LOXL2: variants seen among roughly 807,000 people sequenced by gnomAD.
LOXL2 encodes the protein lysyl oxidase like 2.
LOXL2 carries 70 observed loss-of-function variants against 93.0 expected under a neutral mutation model. That is an observed-to-expected ratio of 0.75 (90% CI 0.62 to 0.92). The LOEUF is 0.92. LOXL2 is among the 40% of genes least tolerant of loss of function. LOXL2 has a pLI of 0.00. For synonymous variants in LOXL2, 438 were observed against 413.2 expected (o/e 1.06, Z -0.73); for missense variants, 973 against 1,054.9 (o/e 0.92, Z 1.08).
chr8:23,342,525 G>A (rs11775897), intron 3 of LOXL2, among the ~76,000 whole-genome samples: 21,056 of 149,962 alleles, frequency 0.14, 1,537 homozygotes, highest in Admixed American at 0.18. Context: ...TCCGCCTCCC[G>A]GGTTCACGCC....
At chr8:23,349,470 G>C (rs1463192474) in intron 3 of LOXL2, among the ~76,000 whole-genome samples, 1 of 152,110 alleles carries the variant, frequency 6.6e-6, no homozygotes, top group African/African-American at 2.4e-5. Flanking sequence ...ACCCTAAAAG[G>C]ACAGATAGGC....
chr8:23,395,185 C>T (rs566729859), intron 1 of LOXL2, among the ~76,000 whole-genome samples: 4 of 151,944 alleles, frequency 2.6e-5, no homozygotes, highest in Non-Finnish European at 4.4e-5. Flanking sequence ...ACCTGGGAGA[C>T]GGAGGTTGCA....
chr8:23,307,500 A>C (rs1803247830), intron 10 of LOXL2, among the ~76,000 whole-genome samples: 1 of 152,230 alleles, frequency 6.6e-6, no homozygotes, highest in Non-Finnish European at 1.5e-5. Context: ...CAGGGTCTCC[A>C]GATCAGAAGA....
intron 3 of LOXL2, 63 bp downstream of exon 3, chr8:23,360,027 A>C (rs1000035305): frequency 6.8e-6 from 10 of 1,471,830 alleles, no homozygotes; most frequent in Non-Finnish European, 9.4e-6. Context: ...ATACGCAAAA[A>C]GCGAGTTGCA....
chr8:23,383,659 T>G (rs1156676878), intron 1 of LOXL2, among the ~76,000 whole-genome samples: 1 of 23,760 alleles, frequency 4.2e-5, no homozygotes, highest in East Asian at 2.3e-3. Context: ...TTTTTTTTGT[T>G]TTTTTTTTTT....
intron 1 of LOXL2, among the ~76,000 whole-genome samples, chr8:23,387,833 C>G (rs1257007443): frequency 6.6e-6 from 1 of 152,018 alleles, no homozygotes; most frequent in Non-Finnish European, 1.5e-5. Context: ...ACCTGTAATC[C>G]CAGCTACTTG....
At chr8:23,375,476 T>A (rs1804572536) in intron 1 of LOXL2, among the ~76,000 whole-genome samples, 2 of 152,204 alleles carry the variant, frequency 1.3e-5, no homozygotes, top group Non-Finnish European at 2.9e-5. Context: ...TTTCCAATTC[T>A]GTGAAGAAAG....
At position 23,319,922 on chromosome 8, in the gene LOXL2, C is replaced by T. The variant is rs371856463; in HGVS notation, c.1433G>A (p.Arg478His). Residue 478 changes from arginine to histidine, a missense_variant, in exon 8 of 14, where the codon CGC (arginine) becomes CAC (histidine). Coordinates refer to ENST00000389131, the MANE Select transcript of LOXL2 (RefSeq NM_002318.3). ...GCTGGCGAATCCCAGGCCCAGCTGG[C>T]GGCAGACCACCATGGCCTCCACGAT... The part of the protein sequence containing the change: ...WGIVEAMVVC[R>H]QLGLGFASNA... 9.7e-5 allele frequency: 157 copies of T among 1,613,742 alleles called. No homozygotes were observed. Among genetic ancestry groups the T allele is most frequent in the Non-Finnish European group, 1.2e-4 (146 of 1,179,944 alleles).
intron 3 of LOXL2, 86 bp downstream of exon 3, chr8:23,360,004 C>G: frequency 7.7e-7 from 1 of 1,292,034 alleles, no homozygotes; most frequent in Non-Finnish European, 1.1e-6. Context: ...CTCACACACA[C>G]TTCTTGAAAT....
At chr8:23,313,953 A>G (rs1161207117) in intron 9 of LOXL2, among the ~76,000 whole-genome samples, 1 of 78,060 alleles carries the variant, frequency 1.3e-5, no homozygotes, top group Non-Finnish European at 3.1e-5. Flanking sequence ...TTTACAAGAA[A>G]AAAACAACCC....
At chr8:23,388,071 G>A (rs901939568) in intron 1 of LOXL2, among the ~76,000 whole-genome samples, 3 of 152,172 alleles carry the variant, frequency 2.0e-5, no homozygotes, top group African/African-American at 4.8e-5. Flanking sequence ...AATAAAAATA[G>A]CAGCTAATAT....
chr8:23,369,487 A>G (rs1367399199), intron 1 of LOXL2, among the ~76,000 whole-genome samples: 1 of 152,144 alleles, frequency 6.6e-6, no homozygotes. Flanking sequence ...TAGGCTAATC[A>G]TATTCTTCTG....
At chr8:23,328,709 ATGTGTGTG>A (rs60768341) in intron 5 of LOXL2, 144 bp from the exon 6 acceptor site, 139 of 460,420 alleles carry the variant, frequency 3.0e-4, no homozygotes, top group East Asian at 6.4e-4. Context: ...TGATGTATGG[ATGTGTGTG>A]TGTGTGTGTG....
chr8:23,371,625 A>G (rs113940068), intron 1 of LOXL2, among the ~76,000 whole-genome samples: 39,203 of 150,474 alleles, frequency 0.26, 5,432 homozygotes, highest in African/African-American at 0.37. Flanking sequence ...GGTGGCGGGC[A>G]CCTGTAGTCC....
intron 1 of LOXL2, among the ~76,000 whole-genome samples, chr8:23,398,679 T>A (rs2117242742): frequency 6.6e-6 from 1 of 152,314 alleles, no homozygotes; most frequent in South Asian, 2.1e-4. Flanking sequence ...ACCAAGTGGC[T>A]ATTCTTTCTT....
chr8:23,304,782 C>T (rs112949088), intron 10 of LOXL2, among the ~76,000 whole-genome samples: 35 of 152,302 alleles, frequency 2.3e-4, no homozygotes, highest in African/African-American at 6.5e-4. Flanking sequence ...GCTGCTACAA[C>T]GGCAGGCAGG....
rs1804439995 is a variant in LOXL2, at chr8:23,368,158, C to T, written c.194G>A (p.Arg65Lys). Residue 65 changes from arginine (R) to lysine (K), a missense_variant, in exon 2 of 14, where the codon AGG (arginine) becomes AAG (lysine). By Grantham distance (26) the Arg-to-Lys change is conservative. Transcript: ENST00000389131. Reference protein sequence around the residue: ...KIQLRLAGQKRKHSEGRVEVY... With the variant: ...KIQLRLAGQKKKHSEGRVEVY... ...CTCCACCCGGCCCTCGCTGTGCTTC[C>T]TCTTCTGCCCAGCCAGGCGCAGCTG... The T allele has an allele frequency of 6.2e-7, 1 of 1,614,038 alleles. No homozygotes were observed. The highest frequency in any genetic ancestry group is 8.5e-7 in the Non-Finnish European group (1 of 1,180,030).
chr8:23,331,191 G>C (rs1276513115), intron 5 of LOXL2, among the ~76,000 whole-genome samples: 2 of 152,162 alleles, frequency 1.3e-5, no homozygotes, highest in Non-Finnish European at 2.9e-5. Flanking sequence ...AGACCGGGGA[G>C]GGGAGAGGGG....
chr8:23,354,588 C>CTGTGTGTG (rs35274565), intron 3 of LOXL2, among the ~76,000 whole-genome samples: 5 of 150,910 alleles, frequency 3.3e-5, no homozygotes, highest in African/African-American at 1.2e-4. Context: ...CATCCCTTCT[C>CTGTGTGTG]TGTGTGTGTG....
Sources: gnomAD v4.1 joint callset for allele counts (sites outside exome capture counted in the v4.1 genomes callset) on GRCh38, gnomAD v4.1.1 for gene constraint, MANE v1.5 for transcripts, NCBI Gene and HGNC (gene_info 2026-07-23, HGNC 2026-07-21) for gene names.